ENAH: variants seen among roughly 807,000 people sequenced by gnomAD.
ENAH encodes the protein ENAH actin regulator.
Under a neutral mutation model 78.7 loss-of-function variants are expected in ENAH, and 23 were observed. The ratio of observed to expected loss-of-function variants is 0.29; its 90% CI spans 0.21 to 0.41. ENAH has a LOEUF of 0.41. Ranked by LOEUF, ENAH falls within the 10% of genes least tolerant of loss-of-function variation. The pLI, the probability that ENAH is intolerant of heterozygous loss-of-function variation, is 1.00. For synonymous variants in ENAH, 226 were observed against 241.0 expected, an observed-to-expected ratio of 0.94 and a Z score of 0.58; for missense variants, 544 against 691.0, an observed-to-expected ratio of 0.79 and a Z score of 2.39.
intron 7 of ENAH, among the ~76,000 whole-genome samples, chr1:225,514,385 G>A (rs1473924403): frequency 2.6e-5 from 4 of 151,972 alleles, no homozygotes; most frequent in African/African-American, 7.2e-5. Flanking sequence ...GCCTGGTCTC[G>A]AACTCCTGAC....
chr1:225,642,418 G>A (rs1336272535), intron 1 of ENAH, among the ~76,000 whole-genome samples: 1 of 152,078 alleles, frequency 6.6e-6, no homozygotes, highest in East Asian at 1.9e-4. Flanking sequence ...TTGTCATGAG[G>A]AGGCTGCTAT....
chr1:225,617,223 T>C (rs369333239), intron 1 of ENAH, among the ~76,000 whole-genome samples: 9 of 152,370 alleles, frequency 5.9e-5, no homozygotes, highest in East Asian at 1.9e-4. Flanking sequence ...TTATAGTTAG[T>C]TGAAATATAC....
At chr1:225,614,441 A>T (rs374433504) in intron 1 of ENAH, among the ~76,000 whole-genome samples, 1 of 152,282 alleles carries the variant, frequency 6.6e-6, no homozygotes, top group African/African-American at 2.4e-5. Flanking sequence ...TAAGAGCAAG[A>T]GTTTCTGATC....
At chr1:225,571,065 T>C (rs2096759756) in intron 1 of ENAH, among the ~76,000 whole-genome samples, 1 of 151,988 alleles carries the variant, frequency 6.6e-6, no homozygotes, top group Admixed American at 6.5e-5. Flanking sequence ...CTATTATTAG[T>C]TAAGTTATGG....
intron 3 of ENAH, among the ~76,000 whole-genome samples, chr1:225,544,071 C>T (rs1024744241): frequency 1.3e-5 from 2 of 152,180 alleles, no homozygotes; most frequent in Non-Finnish European, 2.9e-5. Flanking sequence ...TGTGAATGGT[C>T]TCATCAGAGT....
chr1:225,512,049 C>T (rs1156475752), intron 9 of ENAH, among the ~76,000 whole-genome samples, 190 bp from the exon 10 acceptor site: 2 of 152,182 alleles, frequency 1.3e-5, no homozygotes, highest in African/African-American at 4.8e-5. Context: ...TTCAACCCTC[C>T]CCACAGCTCC....
intron 1 of ENAH, among the ~76,000 whole-genome samples, chr1:225,590,537 T>C (rs1441764472): frequency 1.3e-5 from 2 of 152,168 alleles, no homozygotes; most frequent in African/African-American, 4.8e-5. Context: ...AACAGCTGCC[T>C]ATTATGTGTT....
Position 225,496,816 on chromosome 1 carries a change from C to CG in ENAH, c.*958_*959insC, listed in dbSNP as rs1334212644. On this transcript the variant is annotated 3_prime_UTR_variant, in exon 14 of 14. Coordinates refer to ENST00000366843, the MANE Select transcript of ENAH (RefSeq NM_018212.6). The stretch of plus-strand genomic sequence containing the variant: ...TATTCCTCCCCTTCCTCCCACTCCC[C>CG]TATACTCTACAAAATGTTTTCCCTG... 6.6e-6 allele frequency: 1 copy of CG among 152,612 alleles called. No individual in the cohort carries two copies. Among genetic ancestry groups the CG allele is most frequent in the Admixed American group, 6.5e-5 (1 of 15,284 alleles). 9.5% of individuals were successfully genotyped at this position (152,612 alleles called of 1,614,324 possible).
At chr1:225,562,571 CAAAAAAAAAAAAAAA>C (rs869309795) in intron 2 of ENAH, among the ~76,000 whole-genome samples, 8 of 38,076 alleles carry the variant, frequency 2.1e-4, no homozygotes, top group African/African-American at 4.0e-4. Flanking sequence ...GACTGCGTCT[CAAAAAAAAAAAAAAA>C]AAAAAAAAAA....
intron 1 of ENAH, among the ~76,000 whole-genome samples, chr1:225,597,319 T>C (rs1164785770): frequency 6.6e-6 from 1 of 152,134 alleles, no homozygotes; most frequent in African/African-American, 2.4e-5. Flanking sequence ...TAGTCGTTAT[T>C]CATCAAAAAT....
intron 11 of ENAH, among the ~76,000 whole-genome samples, chr1:225,502,026 C>A (rs2096285005): frequency 6.6e-6 from 1 of 152,128 alleles, no homozygotes; most frequent in Admixed American, 6.5e-5. Context: ...CAATTTAAAA[C>A]CATCAGGCAA....
chr1:225,631,446 C>T (rs1196826584), intron 1 of ENAH, among the ~76,000 whole-genome samples: 2 of 151,546 alleles, frequency 1.3e-5, no homozygotes, highest in Non-Finnish European at 2.9e-5. Context: ...TGGTGGCACA[C>T]GCCTGTAGTC....
chr1:225,600,333 A>G (rs1173268575), intron 1 of ENAH, among the ~76,000 whole-genome samples: 2 of 152,040 alleles, frequency 1.3e-5, no homozygotes, highest in African/African-American at 2.4e-5. Context: ...GTGCCATTGC[A>G]CTCCAGCCTG....
At chr1:225,604,741 C>T (rs1380043552) in intron 1 of ENAH, among the ~76,000 whole-genome samples, 2 of 151,918 alleles carry the variant, frequency 1.3e-5, no homozygotes, top group African/African-American at 2.4e-5. Context: ...TGCAGTAAGC[C>T]GAGATTGCGC....
At chr1:225,593,242 T>C (rs563342833) in intron 1 of ENAH, among the ~76,000 whole-genome samples, 1 of 152,162 alleles carries the variant, frequency 6.6e-6, no homozygotes, top group African/African-American at 2.4e-5. Flanking sequence ...TAAAATTGAA[T>C]GAGTATTTTA....
rs1483658186 is a variant in ENAH at position 225,514,833 on chromosome 1, T to G, written c.981A>C (p.Ser327=). 1 of 1,593,276 alleles carries G rather than the reference T, an allele frequency of 6.3e-7. No individual in the cohort carries two copies. The highest frequency in any genetic ancestry group is 8.5e-7 in the Non-Finnish European group (1 of 1,172,844). The stretch of plus-strand genomic sequence containing the variant: ...GCCCTGGGGGAGGAGGGAGGGCTAC[T>G]GAAGCCTGTGCAGGCCCTGGTGGGA... ...PPLPPGPAQA[S]VALPPPPGPP... Residue 327 remains serine, a synonymous_variant, in exon 7 of 14, where the codon TCA becomes TCC. Coordinates refer to ENST00000366843, the MANE Select transcript of ENAH (RefSeq NM_018212.6).
intron 1 of ENAH, among the ~76,000 whole-genome samples, chr1:225,604,605 A>G (rs1558893521): frequency 6.7e-6 from 1 of 150,216 alleles, no homozygotes; most frequent in African/African-American, 2.5e-5. Context: ...CCAACATGGT[A>G]AAACCCCGTC....
chr1:225,621,269 G>A (rs1007573255), intron 1 of ENAH, among the ~76,000 whole-genome samples: 2 of 151,768 alleles, frequency 1.3e-5, no homozygotes, highest in South Asian at 4.2e-4. Flanking sequence ...GTATGGCCAT[G>A]GGAATTACTT....
intron 1 of ENAH, among the ~76,000 whole-genome samples, chr1:225,634,533 A>G (rs2148389064): frequency 6.6e-6 from 1 of 152,306 alleles, no homozygotes; most frequent in East Asian, 1.9e-4. Context: ...GTAACAGGGA[A>G]TTATCTGGCC....
Sources: allele counts gnomAD v4.1 joint callset (sites outside exome capture counted in the v4.1 genomes callset), GRCh38; gene constraint gnomAD v4.1.1; transcripts MANE v1.5; gene names NCBI Gene and HGNC (gene_info 2026-07-23, HGNC 2026-07-21).